Variants in RASSF8 observed in about 807,000 individuals in gnomAD.
RASSF8 encodes Ras association domain family member 8.
A neutral mutation model predicts 48.5 loss-of-function variants in RASSF8; 22 were observed. The observed-to-expected ratio is 0.45, with a 90% CI of 0.32 to 0.65. The LOEUF is 0.65. RASSF8 is among the 30% of genes least tolerant of loss of function. The pLI, the probability that RASSF8 is intolerant of heterozygous loss-of-function variation, is 0.03. For missense variants in RASSF8, 418 were observed against 489.2 expected, an observed-to-expected ratio of 0.85 and a Z score of 1.37; for synonymous variants, 127 against 171.5, an observed-to-expected ratio of 0.74 and a Z score of 2.03.
chr12:26,065,125 T>G lies in RASSF8; in HGVS notation c.731T>G (p.Leu244Arg), dbSNP rs753473586. ...AATGAAAAACAGCTGAAGGATCAAC[T>G]TCAAGAAATAAGACAGAAAATAACA... ...QENEKQLKDQLQEIRQKITEC... is the reference protein window; with the variant it reads ...QENEKQLKDQRQEIRQKITEC... Residue 244 changes from leucine (L) to arginine (R), a missense_variant, in exon 4 of 6, where the codon CTT becomes CGT. Transcript: ENST00000689635. The G allele has an allele frequency of 6.2e-7, 1 of 1,614,032 alleles. No individual in the cohort carries two copies. The highest frequency in any genetic ancestry group is 8.5e-7 in the Non-Finnish European group (1 of 1,179,968).
chr12:26,053,223 ATGGGTTTC>A (rs1943531437), intron 2 of RASSF8, among the ~76,000 whole-genome samples: 1 of 151,648 alleles, frequency 6.6e-6, no homozygotes, highest in African/African-American at 2.4e-5. Flanking sequence ...ATTTGAAATG[ATGGGTTTC>A]TTGGTGGCAG....
intron 2 of RASSF8, among the ~76,000 whole-genome samples, chr12:26,009,495 C>T (rs1057286492): frequency 2.0e-5 from 3 of 152,144 alleles, no homozygotes; most frequent in Non-Finnish European, 2.9e-5. Flanking sequence ...TCCCACATAA[C>T]AACTTCCAAA....
Position 26,065,175 on chromosome 12 carries a change from T to C in RASSF8, c.781T>C (p.Tyr261His), listed in dbSNP as rs1309009217. ...AGAATGTGAAAACAAATTAAAGGAC[T>C]ATTTGGCACAGATCCGGACTATGGA... ...ITECENKLKD[Y>H]LAQIRTMESG... The change falls in exon 4 of 6, where the codon TAT becomes CAT. Residue 261 changes from tyrosine (Y) to histidine (H), a missense_variant. Physicochemically the swap from Tyr to His is moderately conservative, Grantham distance 83 (BLOSUM62 2). Coordinates refer to ENST00000689635, the MANE Select transcript of RASSF8 (RefSeq NM_001394098.1). The C allele has an allele frequency of 6.2e-7, 1 of 1,613,954 alleles. No individual in the cohort carries two copies. Among genetic ancestry groups the C allele is most frequent in the Admixed American group, 1.7e-5 (1 of 60,010 alleles).
intron 1 of RASSF8, among the ~76,000 whole-genome samples, chr12:25,989,235 G>C (rs1437530320): frequency 2.0e-5 from 3 of 152,148 alleles, no homozygotes; most frequent in Non-Finnish European, 2.9e-5. Context: ...CAGCCATACT[G>C]TTCTTTTCTG....
At chr12:26,060,157 A>T (rs920145465) in intron 3 of RASSF8, among the ~76,000 whole-genome samples, 7 of 151,690 alleles carry the variant, frequency 4.6e-5, no homozygotes, top group Non-Finnish European at 1.0e-4. Context: ...TCGGCCTCCC[A>T]AAGTGCTGGG....
At chr12:25,981,207 A>G (rs79298425) in intron 1 of RASSF8, among the ~76,000 whole-genome samples, 7,941 of 152,234 alleles carry the variant, frequency 0.052, 257 homozygotes, top group Middle Eastern at 0.095. Flanking sequence ...GAAGGGACCC[A>G]GAGCCAGGAA....
chr12:25,958,970 G>C lies in RASSF8; in HGVS notation c.-381G>C, dbSNP rs952798920. 1 of 147,160 alleles carries C rather than the reference G, an allele frequency of 6.8e-6. No homozygotes were observed. The highest frequency in any genetic ancestry group is 2.4e-5 in the African/African-American group (1 of 40,944). The allele number at this position is 147,160 out of a possible 1,614,324, so 9.1% of individuals were successfully genotyped here. ...GGAGGTGCGCGGAGAGGGAACGCCG[G>C]GGGGCCGGGGCCTCCAGCCGGTGCG... On this transcript the variant is annotated 5_prime_UTR_variant, in exon 1 of 6. Transcript: ENST00000689635.
intron 1 of RASSF8, among the ~76,000 whole-genome samples, chr12:25,993,219 A>C (rs1358352067): frequency 6.6e-6 from 1 of 152,218 alleles, no homozygotes; most frequent in Non-Finnish European, 1.5e-5. Flanking sequence ...AGAAAGAGAG[A>C]TTTTAATCTC....
At position 26,069,429 on chromosome 12, in the gene RASSF8, T is replaced by C; in HGVS notation, c.*611T>C. The C allele has an allele frequency of 1.0e-6, 1 of 985,442 alleles. No individual in the cohort carries two copies. The highest frequency in any genetic ancestry group is 1.2e-6 in the Non-Finnish European group (1 of 829,908). The allele number at this position is 985,442 out of a possible 1,614,324, so 61.0% of individuals were successfully genotyped here. A position where few individuals can be genotyped will look rare whatever the true frequency, so the allele number is the denominator to read the frequency against. On this transcript the variant is annotated 3_prime_UTR_variant, in exon 6 of 6. Transcript: ENST00000689635. Reference sequence around the variant, plus strand: ...TAATTAGGTGAAATAATTCAGGGTTTTTTAAATCTGGAATTTAGTCGTTCC... The same window carrying C: ...TAATTAGGTGAAATAATTCAGGGTTCTTTAAATCTGGAATTTAGTCGTTCC...
Position 26,072,494 on chromosome 12 carries a change from G to A in RASSF8, c.*3676G>A, listed in dbSNP as rs1045110643. 1.4e-5 allele frequency: 14 copies of A among 967,796 alleles called. No homozygotes were observed. Among genetic ancestry groups the A allele is most frequent in the Non-Finnish European group, 1.7e-5 (14 of 814,046 alleles). The allele number at this position is 967,796 out of a possible 1,614,324, so 60.0% of individuals were successfully genotyped here. On this transcript the variant is annotated 3_prime_UTR_variant, in exon 6 of 6. Coordinates refer to ENST00000689635, the MANE Select transcript of RASSF8 (RefSeq NM_001394098.1). The stretch of plus-strand genomic sequence containing the variant: ...TTCGTATACTAATTATATTAAACCA[G>A]CAGAAATATAAAGGCAATAAAGTAT...
downstream of RASSF8, among the ~76,000 whole-genome samples, chr12:26,074,533 C>T (rs1473793465): frequency 6.6e-6 from 1 of 151,398 alleles, no homozygotes; most frequent in Non-Finnish European, 1.5e-5. Context: ...TTAGTAGAGA[C>T]GGGCTTTCAC....
chr12:26,070,005 ACT>A lies in RASSF8; in HGVS notation c.*1189_*1190del, dbSNP rs754274213. 17 of 976,322 alleles carry A rather than the reference ACT, an allele frequency of 1.7e-5. No homozygotes were observed. Among genetic ancestry groups the A allele is most frequent in the Non-Finnish European group, 2.1e-5 (17 of 821,720 alleles). The allele number at this position is 976,322 out of a possible 1,614,324, so 60.5% of individuals were successfully genotyped here. A position where few individuals can be genotyped will look rare whatever the true frequency, so the allele number is the denominator to read the frequency against. ...TATTTTATTTGTAAAACCAAATATG[ACT>A]CAACACCTTTTTGATGAGTAGTGAC... is the stretch of plus-strand genomic sequence containing the variant. On this transcript the variant is annotated 3_prime_UTR_variant, in exon 6 of 6. Transcript: ENST00000689635.
At chr12:26,027,353 G>A (rs1354999426) in intron 2 of RASSF8, among the ~76,000 whole-genome samples, 1 of 152,208 alleles carries the variant, frequency 6.6e-6, no homozygotes, top group Non-Finnish European at 1.5e-5. Context: ...TGATATCTCA[G>A]TAAAGCTGTT....
intron 2 of RASSF8, among the ~76,000 whole-genome samples, chr12:26,000,788 G>C (rs965607263): frequency 2.0e-5 from 3 of 152,058 alleles, no homozygotes; most frequent in Non-Finnish European, 4.4e-5. Context: ...AGGTATGGTA[G>C]AAATACTGTA....
chr12:26,025,562 CA>C (rs34036145), intron 2 of RASSF8, among the ~76,000 whole-genome samples: 50,144 of 100,362 alleles, frequency 0.5, 9,008 homozygotes, highest in South Asian at 0.62. Flanking sequence ...GACTCTGTCT[CA>C]AAAAAAAAAA....
intron 1 of RASSF8, among the ~76,000 whole-genome samples, chr12:25,969,481 T>A (rs1941434322): frequency 6.6e-6 from 1 of 152,206 alleles, no homozygotes; most frequent in Admixed American, 6.5e-5. Context: ...AGGTTCACTC[T>A]GCTGTTATAT....
At chr12:25,989,371 A>G (rs1941961648) in intron 1 of RASSF8, among the ~76,000 whole-genome samples, 1 of 152,214 alleles carries the variant, frequency 6.6e-6, no homozygotes, top group Non-Finnish European at 1.5e-5. Context: ...GGCATTTAAC[A>G]GTGTCTTTCT....
Position 26,017,343 on chromosome 12 carries a change from A to G in RASSF8, c.-109+22213A>G, listed in dbSNP as rs554833167. Among the ~76,000 whole-genome samples the G allele has an allele frequency of 1.9e-3, 242 of 126,850 alleles. 1 individual carries two copies. The highest frequency in any genetic ancestry group is 6.6e-3 in the African/African-American group (228 of 34,296). The allele number at this position is 126,850 out of a possible 152,430, so 83.2% of individuals were successfully genotyped here. A position where few individuals can be genotyped will look rare whatever the true frequency, so the allele number is the denominator to read the frequency against. ...TTTAATGTAAAAGCCTATAAATATA[A>G]CCAGGGATTGGAAGTTAGAGATTGA... On this transcript the variant is annotated intron_variant, in intron 2 of 5. Coordinates refer to ENST00000689635, the MANE Select transcript of RASSF8 (RefSeq NM_001394098.1).
At chr12:26,006,527 G>A (rs1481286227) in intron 2 of RASSF8, among the ~76,000 whole-genome samples, 1 of 152,184 alleles carries the variant, frequency 6.6e-6, no homozygotes, top group Admixed American at 6.5e-5. Flanking sequence ...CCAAATGCTT[G>A]TCTCGCTCTA....
Sources: allele counts gnomAD v4.1 joint callset (sites outside exome capture counted in the v4.1 genomes callset), GRCh38; gene constraint gnomAD v4.1.1; transcripts MANE v1.5; gene names NCBI Gene and HGNC (gene_info 2026-07-23, HGNC 2026-07-21).